Variants in ZNF423 observed in about 807,000 individuals in gnomAD.
ZNF423 encodes Ebf-associated zinc finger protein.
Under a neutral mutation model 95.8 loss-of-function variants are expected in ZNF423, and 12 were observed. The observed-to-expected ratio is 0.13, with a 90% CI of 0.08 to 0.20. The LOEUF (loss-of-function observed/expected upper bound fraction) is 0.20, where lower values mean the gene tolerates loss of function less well. Ranked by LOEUF, ZNF423 falls within the 10% of genes least tolerant of loss-of-function variation. The probability of loss-of-function intolerance (pLI) is 1.00; values close to 1 mark genes in which losing one functional copy is unlikely to be tolerated. For synonymous variants in ZNF423, 749 were observed against 711.9 expected (o/e 1.05, Z -0.83); for missense variants, 1,316 against 1,737.1 (o/e 0.76, Z 4.31).
chr16:49,828,080 C>T (rs1161983609), intron 1 of ZNF423, among the ~76,000 whole-genome samples: 2 of 152,232 alleles, frequency 1.3e-5, no homozygotes, highest in Non-Finnish European at 2.9e-5. Context: ...ACAGTGGCCT[C>T]CTGCCCAAAG....
chr16:49,514,995 T>G (rs1427614381), intron 7 of ZNF423, among the ~76,000 whole-genome samples: 11 of 152,218 alleles, frequency 7.2e-5, no homozygotes, highest in Non-Finnish European at 1.6e-4. Flanking sequence ...CTAGTTCAAG[T>G]TCTATTCCCC....
chr16:49,526,376 C>T (rs150276844), intron 5 of ZNF423, among the ~76,000 whole-genome samples: 175 of 152,336 alleles, frequency 1.1e-3, no homozygotes, highest in African/African-American at 4.0e-3. Context: ...ATCTCCCCAC[C>T]TGGGAGCCGC....
rs1436907479 is a variant in ZNF423 at position 49,855,567 on chromosome 16, C to CCCTCCT, written c.40+162_40+167dup. On this transcript the variant is annotated intron_variant, in intron 1 of 7. Transcript: ENST00000563137. The surrounding 1 kb of genome is among the most constrained non-coding windows in gnomAD (Gnocchi z 4.7). Reference sequence around the variant, plus strand: ...CCTCCTGCTCCCGGCTTCCTCCTCCCCCTCCTCCGCCTCCGCCTCCGCCTC... The same window carrying CCCTCCT: ...CCTCCTGCTCCCGGCTTCCTCCTCCCCCTCCTCCTCCTCCGCCTCCGCCTCCGCCTC... Among the ~76,000 whole-genome samples the CCCTCCT allele has an allele frequency of 6.8e-6, 1 of 147,466 alleles. No homozygotes were observed. The highest frequency in any genetic ancestry group is 2.5e-5 in the African/African-American group (1 of 39,754).
In ZNF423 at chr16:49,767,153, G is replaced by A. The variant is rs530565394; in HGVS notation, c.100+22334C>T. On this transcript the variant is annotated intron_variant, in intron 2 of 7. Coordinates refer to ENST00000563137, the MANE Select transcript of ZNF423 (RefSeq NM_001379286.1). ...ATTTTTTTTGTAGAGATGGGGTCTC[G>A]CTATGCTGCCCAGGCTGGTCTCAAA... Among the ~76,000 whole-genome samples, 137 of 151,948 alleles carry A rather than the reference G, an allele frequency of 9.0e-4. 4 individuals carry two copies. In the South Asian group the frequency reaches 0.027, roughly 30 times the overall value.
intron 2 of ZNF423, among the ~76,000 whole-genome samples, chr16:49,770,411 C>A (rs2034011409): frequency 6.6e-6 from 1 of 152,070 alleles, no homozygotes; most frequent in Non-Finnish European, 1.5e-5. Context: ...ATAGTGTGAG[C>A]CTGGTGCTAG....
chr16:49,547,000 T>C (rs2151747019), intron 5 of ZNF423, among the ~76,000 whole-genome samples: 2 of 148,582 alleles, frequency 1.3e-5, no homozygotes, highest in East Asian at 4.0e-4. Flanking sequence ...ATCTACTTGA[T>C]ACTCTTTCCA....
chr16:49,587,067 A>C (rs952677828), intron 5 of ZNF423, among the ~76,000 whole-genome samples: 1 of 151,938 alleles, frequency 6.6e-6, no homozygotes, highest in African/African-American at 2.4e-5. Context: ...ACAAGCACAA[A>C]CTCGCTGTCA....
chr16:49,618,555 T>C lies in ZNF423; in HGVS notation c.3601+7615A>G, dbSNP rs561591298. Among the ~76,000 whole-genome samples, 53 of 152,296 alleles carry C rather than the reference T, an allele frequency of 3.5e-4. 1 individual carries two copies. In the South Asian group the frequency reaches 0.01, roughly 29 times the overall value. On this transcript the variant is annotated intron_variant, in intron 5 of 7. Transcript: ENST00000563137. Reference sequence around the variant, plus strand: ...TTCTTCTCTCTCTCTCCTGCCGCCATGTAAGACGTGCTTGCTTCCCCTTCC... The same window carrying C: ...TTCTTCTCTCTCTCTCCTGCCGCCACGTAAGACGTGCTTGCTTCCCCTTCC...
At position 49,637,723 on chromosome 16, in the gene ZNF423, T is replaced by A; in HGVS notation, c.1453A>T (p.Ile485Phe). Residue 485 changes from isoleucine to phenylalanine, a missense_variant, in exon 4 of 8, where the codon ATC becomes TTC. Ile to Phe is a conservative substitution (Grantham distance 21, BLOSUM62 0). Coordinates refer to ENST00000563137, the MANE Select transcript of ZNF423 (RefSeq NM_001379286.1). The surrounding 1 kb of genome is among the most constrained non-coding windows in gnomAD (Gnocchi z 5.6). ...HAYPVMQFGNISAFHCNYCPE... is the reference protein window; with the variant it reads ...HAYPVMQFGNFSAFHCNYCPE... Reference sequence around the variant, plus strand: ...CAGTAGTTGCAGTGGAAGGCAGAGATGTTGCCAAACTGCATCACAGGGTAG... The same window carrying A: ...CAGTAGTTGCAGTGGAAGGCAGAGAAGTTGCCAAACTGCATCACAGGGTAG... The A allele has an allele frequency of 6.2e-7, 1 of 1,614,160 alleles. No individual in the cohort carries two copies. The highest frequency in any genetic ancestry group is 8.5e-7 in the Non-Finnish European group (1 of 1,180,042).
At chr16:49,693,287 A>T (rs1426868155) in intron 3 of ZNF423, among the ~76,000 whole-genome samples, 1 of 152,214 alleles carries the variant, frequency 6.6e-6, no homozygotes, top group Admixed American at 6.5e-5. Context: ...ACCCGTGAGT[A>T]TGAGGTATAT....
chr16:49,657,548 G>A (rs1369810872), intron 3 of ZNF423, among the ~76,000 whole-genome samples: 1 of 152,230 alleles, frequency 6.6e-6, no homozygotes, highest in Non-Finnish European at 1.5e-5. Flanking sequence ...AGGGAGGGGA[G>A]GTGATGCCCC....
chr16:49,673,083 A>G (rs1191035806), intron 3 of ZNF423, among the ~76,000 whole-genome samples: 2 of 152,144 alleles, frequency 1.3e-5, no homozygotes, highest in African/African-American at 2.4e-5. Context: ...GCCGTGGTAC[A>G]CAGGTAATTA....
intron 3 of ZNF423, among the ~76,000 whole-genome samples, chr16:49,673,648 A>G (rs940154922): frequency 1.3e-5 from 2 of 152,248 alleles, no homozygotes; most frequent in African/African-American, 4.8e-5. Flanking sequence ...TCACATGCAC[A>G]TGCTTATGCA....
chr16:49,730,525 A>G, intron 3 of ZNF423: 1 of 555,044 alleles, frequency 1.8e-6, no homozygotes, highest in Non-Finnish European at 3.2e-6. Context: ...ACCAGAGCAC[A>G]GCTTGCGGGG....
intron 3 of ZNF423, among the ~76,000 whole-genome samples, chr16:49,642,907 G>A (rs1386778995): frequency 1.4e-5 from 2 of 143,656 alleles, no homozygotes; most frequent in Non-Finnish European, 3.0e-5. Context: ...TGCAACCTCT[G>A]CCTCCCAGGT....
chr16:49,678,470 T>C (rs1289779349), intron 3 of ZNF423, among the ~76,000 whole-genome samples: 1 of 151,908 alleles, frequency 6.6e-6, no homozygotes, highest in Non-Finnish European at 1.5e-5. Context: ...CCTCGTGGAG[T>C]TGACAGTCCA....
chr16:49,743,641 G>A (rs1487038192), intron 2 of ZNF423, among the ~76,000 whole-genome samples: 4 of 152,072 alleles, frequency 2.6e-5, no homozygotes, highest in East Asian at 1.9e-4. Context: ...CTGCTGCCCC[G>A]GGACACAGGG....
At chr16:49,574,719 C>T (rs1385460825) in intron 5 of ZNF423, among the ~76,000 whole-genome samples, 3 of 135,082 alleles carry the variant, frequency 2.2e-5, no homozygotes, top group South Asian at 2.1e-4. Flanking sequence ...CCAGGTCGTG[C>T]ATCCCACCTC....
At chr16:49,586,753 C>T (rs977026487) in intron 5 of ZNF423, among the ~76,000 whole-genome samples, 22 of 152,240 alleles carry the variant, frequency 1.4e-4, no homozygotes, top group Admixed American at 9.8e-4. Flanking sequence ...TATTCAAACA[C>T]TTCTTCCGCC....
Sources: gnomAD v4.1 joint callset for allele counts (sites outside exome capture counted in the v4.1 genomes callset) on GRCh38, gnomAD v4.1.1 for gene constraint, Gnocchi (gnomAD v3.1) non-coding constraint, MANE v1.5 for transcripts, NCBI Gene and HGNC (gene_info 2026-07-23, HGNC 2026-07-21) for gene names.